SFMBT1: variants seen among roughly 807,000 people sequenced by gnomAD.
SFMBT1 encodes the protein scm-like with four MBT domains protein 1.
In SFMBT1, 32 loss-of-function variants were observed where a neutral mutation model predicts 108.7. That is an observed-to-expected ratio of 0.29 (90% CI 0.22 to 0.40). The LOEUF (loss-of-function observed/expected upper bound fraction) is 0.40, where lower values mean the gene tolerates loss of function less well. Among genes scored for constraint, SFMBT1 ranks in the 10% least tolerant of loss-of-function variants. SFMBT1 has a pLI of 1.00. For missense variants in SFMBT1, 816 were observed against 1,059.6 expected, an observed-to-expected ratio of 0.77 and a Z score of 3.19; for synonymous variants, 348 against 369.5, an observed-to-expected ratio of 0.94 and a Z score of 0.67.
chr3:52,951,116 T>A (rs1489051916), intron 3 of SFMBT1, among the ~76,000 whole-genome samples: 1 of 81,566 alleles, frequency 1.2e-5, no homozygotes, highest in Admixed American at 1.9e-4. Context: ...ACTCTTATCT[T>A]AAAAAAAAAA....
intron 10 of SFMBT1, among the ~76,000 whole-genome samples, chr3:52,925,576 T>C (rs1702634846): frequency 6.6e-6 from 1 of 152,106 alleles, no homozygotes; most frequent in African/African-American, 2.4e-5. Context: ...GAACAGGAAG[T>C]AGTTATTTCT....
At chr3:52,941,932 G>A (rs1703197067) in intron 4 of SFMBT1, among the ~76,000 whole-genome samples, 1 of 152,072 alleles carries the variant, frequency 6.6e-6, no homozygotes, top group African/African-American at 2.4e-5. Flanking sequence ...TATCTTAAAT[G>A]TTATTGGAAT....
At chr3:52,918,731 A>C (rs1479863219) in intron 12 of SFMBT1, among the ~76,000 whole-genome samples, 1 of 151,988 alleles carries the variant, frequency 6.6e-6, no homozygotes. Context: ...ACTGAGGCAC[A>C]TTTTCTTAGT....
chr3:52,945,632 C>T (rs1041939016), intron 3 of SFMBT1, among the ~76,000 whole-genome samples: 1 of 133,362 alleles, frequency 7.5e-6, no homozygotes. Context: ...ACAGTGAAAC[C>T]GTCTCTACTA....
At chr3:52,925,868 G>A (rs1426759646) in intron 10 of SFMBT1, among the ~76,000 whole-genome samples, 163 bp downstream of exon 10, 1 of 152,190 alleles carries the variant, frequency 6.6e-6, no homozygotes, top group Non-Finnish European at 1.5e-5. Context: ...ATTCACTTCT[G>A]CAGTAAATGT....
chr3:53,012,489 G>C (rs9870416), intron 1 of SFMBT1, among the ~76,000 whole-genome samples: 1 of 150,668 alleles, frequency 6.6e-6, no homozygotes, highest in African/African-American at 2.4e-5. Context: ...TGCAAGCTCC[G>C]CCTCCCGGAT....
intron 6 of SFMBT1, among the ~76,000 whole-genome samples, 185 bp downstream of exon 6, chr3:52,931,877 A>G (rs1271201359): frequency 1.3e-5 from 2 of 152,078 alleles, no homozygotes; most frequent in Non-Finnish European, 2.9e-5. Flanking sequence ...CCAAAAGCAG[A>G]ACAACAACAA....
chr3:52,943,288 T>G, intron 4 of SFMBT1, 65 bp downstream of exon 4: 1 of 1,605,406 alleles, frequency 6.2e-7, no homozygotes, highest in Non-Finnish European at 8.5e-7. Flanking sequence ...ACCTCAAGAC[T>G]GTGGACAATC....
At chr3:52,988,322 A>G (rs760110506) in intron 1 of SFMBT1, among the ~76,000 whole-genome samples, 5 of 152,230 alleles carry the variant, frequency 3.3e-5, no homozygotes, top group Non-Finnish European at 7.3e-5. Context: ...TTAAGGCCCT[A>G]TAAGAACTAG....
At chr3:52,930,063 C>T (rs908382561) in intron 8 of SFMBT1, among the ~76,000 whole-genome samples, 1 of 152,196 alleles carries the variant, frequency 6.6e-6, no homozygotes, top group Non-Finnish European at 1.5e-5. Flanking sequence ...TACTTATATG[C>T]AGCTAGGCCT....
chr3:52,960,529 T>C (rs948399766), intron 2 of SFMBT1, among the ~76,000 whole-genome samples: 7 of 152,152 alleles, frequency 4.6e-5, no homozygotes, highest in African/African-American at 1.7e-4. Flanking sequence ...TTAAGAATGG[T>C]TGTATATTTC....
rs752311117 is a variant in SFMBT1, at chr3:52,928,282, T to C, written c.957A>G (p.Ala319=). 7 of 1,614,094 alleles carry C rather than the reference T, an allele frequency of 4.3e-6. No homozygotes were observed. The Admixed American group carries it at 1.0e-4, about 23-fold the overall frequency. ...CGGCGTGGCACACAAAGGATCGCCG[T>C]GCGTGGTTCTCAGGACGCAAGTCAT... ...EMDDLRPENH[A]RRSFVCHADS... Residue 319 remains alanine, a synonymous_variant, in exon 9 of 21, where the codon GCA becomes GCG. Transcript: ENST00000394752.
intron 1 of SFMBT1, among the ~76,000 whole-genome samples, chr3:52,983,571 G>T (rs1349788883): frequency 6.6e-6 from 1 of 152,220 alleles, no homozygotes; most frequent in African/African-American, 2.4e-5. Context: ...AGGACAGGGA[G>T]TCCTACTTTT....
intron 2 of SFMBT1, among the ~76,000 whole-genome samples, chr3:52,956,368 G>A (rs921510583): frequency 1.3e-5 from 2 of 152,108 alleles, no homozygotes; most frequent in Admixed American, 1.3e-4. Flanking sequence ...GCTGAGGCAG[G>A]AGAATTGCTT....
At chr3:52,946,893 TCCCA>T (rs1703385702) in intron 3 of SFMBT1, among the ~76,000 whole-genome samples, 3 of 151,464 alleles carry the variant, frequency 2.0e-5, no homozygotes, top group Admixed American at 6.6e-5. Flanking sequence ...TGCCTCAGCC[TCCCA>T]AGTAGCTGGG....
intron 2 of SFMBT1, among the ~76,000 whole-genome samples, chr3:52,960,607 T>C (rs1250011065): frequency 6.8e-6 from 1 of 146,106 alleles, no homozygotes; most frequent in Non-Finnish European, 1.5e-5. Flanking sequence ...ATATTTTTAA[T>C]TATCATATGA....
At chr3:53,006,884 G>A (rs1698762983) in intron 1 of SFMBT1, among the ~76,000 whole-genome samples, 1 of 152,198 alleles carries the variant, frequency 6.6e-6, no homozygotes, top group Admixed American at 6.5e-5. Flanking sequence ...CACAAGTGAG[G>A]AATTGCTGCT....
intron 1 of SFMBT1, among the ~76,000 whole-genome samples, chr3:52,969,629 A>G (rs1704271865): frequency 6.6e-6 from 1 of 152,220 alleles, no homozygotes; most frequent in African/African-American, 2.4e-5. Flanking sequence ...CAGGGGAGTT[A>G]GCTTTCAATG....
intron 1 of SFMBT1, among the ~76,000 whole-genome samples, chr3:52,988,463 AG>A (rs373371963): frequency 2.7e-4 from 41 of 152,216 alleles, no homozygotes; most frequent in African/African-American, 9.6e-4. Context: ...TCCCAACTCC[AG>A]GGTAATGCTG....
Sources: allele counts gnomAD v4.1 joint callset (sites outside exome capture counted in the v4.1 genomes callset), GRCh38; gene constraint gnomAD v4.1.1; transcripts MANE v1.5; gene names NCBI Gene and HGNC (gene_info 2026-07-23, HGNC 2026-07-21).